Variants in DISP3 observed in about 807,000 individuals in gnomAD.
The protein encoded by DISP3 is protein dispatched homolog 3.
DISP3 carries 101 observed loss-of-function variants against 135.3 expected under a neutral mutation model. The observed-to-expected ratio is 0.75, with a 90% CI of 0.64 to 0.88. The LOEUF (loss-of-function observed/expected upper bound fraction) is 0.88. Ranked by LOEUF, DISP3 falls within the 40% of genes least tolerant of loss-of-function variation. The pLI, the probability that DISP3 is intolerant of heterozygous loss-of-function variation, is 0.00. For missense variants in DISP3, 1,713 were observed against 1,878.6 expected (o/e 0.91, Z 1.63); for synonymous variants, 856 against 817.0 (o/e 1.05, Z -0.81).
intron 1 of DISP3, among the ~76,000 whole-genome samples, chr1:11,480,934 C>T (rs1470444317): frequency 1.3e-5 from 2 of 151,718 alleles, no homozygotes; most frequent in African/African-American, 4.8e-5. Context: ...CCTCAATACT[C>T]ACTCCTCTTT....
chr1:11,479,526 G>C (rs1376489468), intron 1 of DISP3, among the ~76,000 whole-genome samples, 154 bp downstream of exon 1: 1 of 152,220 alleles, frequency 6.6e-6, no homozygotes, highest in African/African-American at 2.4e-5. Context: ...CCCGGGATGC[G>C]GGCCTCGGAG....
chr1:11,529,789 C>T lies in DISP3; in HGVS notation c.2932C>T (p.Pro978Ser), dbSNP rs988244387. ...GFFFVPSEKVPKARLSATFGF... is the reference protein window; with the variant it reads ...GFFFVPSEKVSKARLSATFGF... ...CAGCTGTGACTCCCTGTTCGCAGTG[C>T]CCAAGGCCCGTCTCTCAGCCACCTT... The change falls in exon 15 of 21, where the codon CCC (proline) becomes TCC (serine). Residue 978 changes from proline to serine, a missense_variant and splice_region_variant. Pro to Ser is a moderately conservative substitution (Grantham distance 74, BLOSUM62 -1). This residue lies in a region of DISP3 where 1,142 missense variants were observed against 1,384.6 expected (regional missense o/e 0.82). Transcript: ENST00000294484. This position sits in a 1 kb window ranked among gnomAD's most constrained non-coding sequence, Gnocchi z 4.7. The T allele has an allele frequency of 2.5e-6, 4 of 1,613,000 alleles. No individual in the cohort carries two copies. The Admixed American group carries it at 5.0e-5, about 20-fold the overall frequency.
intron 10 of DISP3, among the ~76,000 whole-genome samples, chr1:11,522,486 A>C (rs1477555619): frequency 3.3e-5 from 5 of 152,142 alleles, no homozygotes; most frequent in Non-Finnish European, 5.9e-5. Context: ...TCCTGCCCAC[A>C]GATGGACAAA....
intron 3 of DISP3, among the ~76,000 whole-genome samples, chr1:11,504,152 T>C (rs1641634565): frequency 6.6e-6 from 1 of 152,236 alleles, no homozygotes; most frequent in African/African-American, 2.4e-5. Flanking sequence ...TATTGAGCAC[T>C]TACACTGTGC....
rs772310755 is a variant in DISP3 at position 11,501,849 on chromosome 1, A to G, written c.857A>G (p.Glu286Gly). Residue 286 changes from glutamate (E) to glycine (G), a missense_variant, in exon 2 of 21, where the codon GAG becomes GGG. Glu to Gly is a moderately conservative substitution (Grantham distance 98). Coordinates refer to ENST00000294484, the MANE Select transcript of DISP3 (RefSeq NM_020780.2). This position sits in a 1 kb window ranked among gnomAD's most constrained non-coding sequence, Gnocchi z 4.9. ...ATCTTCCTGGCGCGCGGCGACGCGG[A>G]GCGCAACATTTTCACCAGTGAGCGC... The part of the protein sequence containing the change: ...ELIFLARGDA[E>G]RNIFTSERLV... 8 of 1,612,366 alleles carry G rather than the reference A, an allele frequency of 5.0e-6. No homozygotes were observed. The highest frequency in any genetic ancestry group is 6.8e-6 in the Non-Finnish European group (8 of 1,179,256).
chr1:11,507,208 G>A (rs367738864), intron 3 of DISP3, among the ~76,000 whole-genome samples: 3 of 152,080 alleles, frequency 2.0e-5, no homozygotes, highest in African/African-American at 4.8e-5. Flanking sequence ...TACCTTAAAC[G>A]GGCAGTGACC....
intron 1 of DISP3, among the ~76,000 whole-genome samples, chr1:11,493,797 A>G (rs1374609173): frequency 6.6e-6 from 1 of 152,154 alleles, no homozygotes; most frequent in Non-Finnish European, 1.5e-5. Flanking sequence ...TTGGCCAAAT[A>G]TCTGGGCACC....
Position 11,534,401 on chromosome 1 carries a change from C to G in DISP3, c.3396C>G (p.Ser1132=). 2 of 1,614,238 alleles carry G rather than the reference C, an allele frequency of 1.2e-6. No individual in the cohort carries two copies. The highest frequency in any genetic ancestry group is 3.3e-4 in the Middle Eastern group (2 of 6,062). ...CACAGACCACGTACAAGGGCAAATC[C>G]TCCTTCCAGACCTACTCGGACTACC... ...AFESTTYKGK[S]SFQTYSDYLR... is the part of the protein sequence containing the mutation. Residue 1132 remains serine, a synonymous_variant, in exon 18 of 21, where the codon TCC becomes TCG. Coordinates refer to ENST00000294484, the MANE Select transcript of DISP3 (RefSeq NM_020780.2).
At chr1:11,511,808 GC>G (rs1459372987) in intron 3 of DISP3, among the ~76,000 whole-genome samples, 1 of 152,154 alleles carries the variant, frequency 6.6e-6, no homozygotes, top group Non-Finnish European at 1.5e-5. Context: ...CTCCATCAGG[GC>G]TTCACCCCTG....
Position 11,519,287 on chromosome 1 carries a change from G to A in DISP3, c.1890-68G>A, listed in dbSNP as rs2072995. The A allele has an allele frequency of 0.15, 231,723 of 1,530,494 alleles. 20,250 individuals are homozygous for A. Among genetic ancestry groups the A allele is most frequent in the East Asian group, 0.45 (19,654 of 44,166 alleles). 94.8% of individuals were successfully genotyped at this position (1,530,494 alleles called of 1,614,324 possible). On this transcript the variant is annotated intron_variant, in intron 7 of 20. Transcript: ENST00000294484. This position sits in a 1 kb window ranked among gnomAD's most constrained non-coding sequence, Gnocchi z 4.3. The stretch of plus-strand genomic sequence containing the variant: ...TACCTGGGTTCATCTGATCCTCAGG[G>A]CCCTGCCCCACCCTCCCTGGGTACC...
chr1:11,528,369 A>T (rs2100506351), intron 13 of DISP3, among the ~76,000 whole-genome samples: 1 of 152,302 alleles, frequency 6.6e-6, no homozygotes, highest in South Asian at 2.1e-4. Context: ...TGTTGTAAAC[A>T]CAGCCCTGCA....
rs1173000784 is a variant in DISP3 at position 11,519,421 on chromosome 1, G to A, written c.1956G>A (p.Glu652=). 6.2e-7 allele frequency: 1 copy of A among 1,613,822 alleles called. No individual in the cohort carries two copies. Residue 652 remains glutamate (E), a synonymous_variant, in exon 8 of 21, where the codon GAG becomes GAA. Coordinates refer to ENST00000294484, the MANE Select transcript of DISP3 (RefSeq NM_020780.2). The surrounding 1 kb of genome is among the most constrained non-coding windows in gnomAD (Gnocchi z 4.3). ...CCGGAGACGTGTTTGCCGCTCCCGA[G>A]CAGGTTGGAGGCAGCCCTGCCCAGG... The part of the protein sequence containing the change: ...HFPGDVFAAP[E]QVGGSPAQGP...
Position 11,516,855 on chromosome 1 carries a change from C to T in DISP3, c.1750-608C>T, listed in dbSNP as rs1467799404. On this transcript the variant is annotated intron_variant, in intron 6 of 20. Coordinates refer to ENST00000294484, the MANE Select transcript of DISP3 (RefSeq NM_020780.2). The surrounding 1 kb of genome is among the most constrained non-coding windows in gnomAD (Gnocchi z 5.1). ...GCTGGGTTCAGCTTCTGCAGTGTGA[C>T]CTTGGGCAGGCTGTGTGACCTCTCT... is the stretch of plus-strand genomic sequence containing the variant. 6.6e-6 allele frequency among the ~76,000 whole-genome samples: 1 copy of T among 152,152 alleles called. No individual in the cohort carries two copies. Among genetic ancestry groups the T allele is most frequent in the Non-Finnish European group, 1.5e-5 (1 of 68,018 alleles).
chr1:11,529,853 C>T lies in DISP3; in HGVS notation c.2996C>T (p.Pro999Leu), dbSNP rs764613001. ...NPCVNTGCGK[P>L]AVRPLVDTGA... ...TGCGTGAACACGGGCTGCGGGAAGCCGGCGGTGCGGCCACTAGTGGATACC... is the reference window on the plus strand; with the variant it reads ...TGCGTGAACACGGGCTGCGGGAAGCTGGCGGTGCGGCCACTAGTGGATACC... The change falls in exon 15 of 21, where the codon CCG becomes CTG. Residue 999 changes from proline (P) to leucine (L), a missense_variant. Pro to Leu is a moderately conservative substitution (Grantham distance 98). Around this residue, in one of 2 missense-constraint regions of DISP3, gnomAD observed 1,142 missense variants for 1,384.6 expected, o/e 0.82. Transcript: ENST00000294484. This position sits in a 1 kb window ranked among gnomAD's most constrained non-coding sequence, Gnocchi z 4.7. 1.4e-5 allele frequency: 22 copies of T among 1,613,916 alleles called. No individual in the cohort carries two copies. The East Asian group carries it at 1.8e-4, about 13-fold the overall frequency.
At chr1:11,530,075 G>A (rs775919588) in intron 15 of DISP3, 116 bp downstream of exon 15, 13 of 1,404,490 alleles carry the variant, frequency 9.3e-6, no homozygotes, top group Middle Eastern at 4.8e-4. Context: ...CTCCTCAATG[G>A]CTCCTCTAAC....
At chr1:11,533,396 C>T (rs1485231111) in intron 17 of DISP3, among the ~76,000 whole-genome samples, 1 of 151,530 alleles carries the variant, frequency 6.6e-6, no homozygotes, top group Non-Finnish European at 1.5e-5. Context: ...GCTGGGATTA[C>T]AAGTGTGCGC....
intron 12 of DISP3, among the ~76,000 whole-genome samples, chr1:11,526,361 G>A: frequency 6.6e-6 from 1 of 152,238 alleles, no homozygotes. Flanking sequence ...AGCTCCAAGA[G>A]GTCAGGGACC....
At chr1:11,490,640 C>A (rs1641158925) in intron 1 of DISP3, among the ~76,000 whole-genome samples, 1 of 152,136 alleles carries the variant, frequency 6.6e-6, no homozygotes, top group South Asian at 2.1e-4. Flanking sequence ...GGGCTCCAGG[C>A]TCCAGTGCTG....
In DISP3 at chr1:11,483,946, C is replaced by T. The variant is rs1036036771; in HGVS notation, c.-4+4574C>T. ...GTAGCAGAGCCTGAGTCTCAGAATC[C>T]CAGGCCAGGGATCTTCCCAGGCAGC... On this transcript the variant is annotated intron_variant, in intron 1 of 20. Coordinates refer to ENST00000294484, the MANE Select transcript of DISP3 (RefSeq NM_020780.2). The surrounding 1 kb of genome is among the most constrained non-coding windows in gnomAD (Gnocchi z 5.4). 6.6e-6 allele frequency among the ~76,000 whole-genome samples: 1 copy of T among 152,350 alleles called. No individual in the cohort carries two copies. The highest frequency in any genetic ancestry group is 1.5e-5 in the Non-Finnish European group (1 of 68,024).
Sources: gnomAD v4.1 joint callset for allele counts (sites outside exome capture counted in the v4.1 genomes callset) on GRCh38, gnomAD v4.1.1 for gene constraint, gnomAD v4.1.1 regional missense constraint, Gnocchi (gnomAD v3.1) non-coding constraint, MANE v1.5 for transcripts, NCBI Gene and HGNC (gene_info 2026-07-23, HGNC 2026-07-21) for gene names.